SAMTOR: variants seen among roughly 807,000 people sequenced by gnomAD.
SAMTOR encodes the protein UPF0532 protein C7orf60.
the SAMTOR span, among the ~76,000 whole-genome samples, chr7:112,876,388 T>G: frequency 6.6e-6 from 1 of 152,156 alleles, no homozygotes; most frequent in African/African-American, 2.4e-5. Context: ...CAAATTCAAT[T>G]TATCCCAAAC....
At chr7:112,900,251 A>G in the SAMTOR span, among the ~76,000 whole-genome samples, 4 of 152,306 alleles carry the variant, frequency 2.6e-5, no homozygotes, top group South Asian at 6.2e-4. Context: ...CTCCAATCCA[A>G]GTCCAAAGGC....
the SAMTOR span, among the ~76,000 whole-genome samples, chr7:112,860,072 T>A: frequency 6.6e-6 from 1 of 152,190 alleles, no homozygotes; most frequent in East Asian, 1.9e-4. Context: ...TTTATAATCA[T>A]ATTTCTATGG....
the SAMTOR span, among the ~76,000 whole-genome samples, chr7:112,862,671 G>C: frequency 6.6e-6 from 1 of 152,188 alleles, no homozygotes; most frequent in Admixed American, 6.5e-5. Context: ...GCTCATGCCT[G>C]TAATCTCAGC....
chr7:112,906,744 G>A, the SAMTOR span, among the ~76,000 whole-genome samples: 18 of 151,836 alleles, frequency 1.2e-4, no homozygotes, highest in Admixed American at 8.5e-4. Flanking sequence ...GCTAATTTTT[G>A]TATTTTTAGT....
the SAMTOR span, among the ~76,000 whole-genome samples, chr7:112,865,560 G>A: frequency 6.7e-6 from 1 of 150,124 alleles, no homozygotes; most frequent in Admixed American, 6.7e-5. Flanking sequence ...GCAGGCGTGA[G>A]CCTCCATGCC....
At chr7:112,820,599 T>C in the SAMTOR span, 1 of 152,204 alleles carries the variant, frequency 6.6e-6, no homozygotes, top group Admixed American at 6.6e-5. Context: ...TGGACATATA[T>C]TTTTCCCTAA....
the SAMTOR span, among the ~76,000 whole-genome samples, chr7:112,906,430 C>G: frequency 2.6e-5 from 4 of 152,074 alleles, no homozygotes; most frequent in African/African-American, 9.7e-5. Context: ...ACATTTACAA[C>G]AGCAATAAAA....
chr7:112,849,510 C>T, the SAMTOR span, among the ~76,000 whole-genome samples: 14 of 152,164 alleles, frequency 9.2e-5, no homozygotes, highest in African/African-American at 3.4e-4. Context: ...TTTTAGAGGA[C>T]TCTTTAGGGT....
chr7:112,828,851 T>A, the SAMTOR span, among the ~76,000 whole-genome samples: 1 of 152,202 alleles, frequency 6.6e-6, no homozygotes, highest in Non-Finnish European at 1.5e-5. Context: ...TCTTCATTTT[T>A]GAAAGACATT....
At chr7:112,934,882 T>C in the SAMTOR span, among the ~76,000 whole-genome samples, 1,628 of 152,330 alleles carry the variant, frequency 0.011, 30 homozygotes, top group African/African-American at 0.037. Context: ...AGAACACTAA[T>C]AATAACAAAA....
At chr7:112,850,454 G>T in the SAMTOR span, among the ~76,000 whole-genome samples, 1 of 152,160 alleles carries the variant, frequency 6.6e-6, no homozygotes, top group South Asian at 2.1e-4. Flanking sequence ...CTCAATTTTT[G>T]GGAACAGTAT....
chr7:112,866,919 C>T, the SAMTOR span, among the ~76,000 whole-genome samples: 9 of 152,190 alleles, frequency 5.9e-5, no homozygotes, highest in Admixed American at 5.9e-4. Context: ...TACTGCTATA[C>T]TTTCTCAAAA....
the SAMTOR span, chr7:112,832,528 A>C: frequency 1.7e-6 from 2 of 1,198,544 alleles, no homozygotes; most frequent in Non-Finnish European, 2.5e-6. Context: ...ATACATGTAA[A>C]ATATTAAAGT....
the SAMTOR span, among the ~76,000 whole-genome samples, chr7:112,868,814 C>T: frequency 6.6e-6 from 1 of 152,172 alleles, no homozygotes; most frequent in Non-Finnish European, 1.5e-5. Flanking sequence ...TAGGCTGTCT[C>T]CTGTTGCAAG....
the SAMTOR span, among the ~76,000 whole-genome samples, chr7:112,912,897 A>T: frequency 1.3e-5 from 2 of 152,298 alleles, no homozygotes; most frequent in East Asian, 3.9e-4. Context: ...TTGCTCCAAT[A>T]AGAATACTAC....
At chr7:112,922,962 C>G in the SAMTOR span, among the ~76,000 whole-genome samples, 1 of 152,040 alleles carries the variant, frequency 6.6e-6, no homozygotes, top group Admixed American at 6.5e-5. Flanking sequence ...CGGCCACCAC[C>G]CCATCTGGGA....
At chr7:112,935,112 T>TG in the SAMTOR span, 1 of 331,976 alleles carries the variant, frequency 3.0e-6, no homozygotes, top group South Asian at 2.4e-5. Context: ...GCAAATATTC[T>TG]ATCACAAAAA....
the SAMTOR span, among the ~76,000 whole-genome samples, chr7:112,854,428 GA>G: frequency 6.6e-6 from 1 of 152,154 alleles, no homozygotes; most frequent in East Asian, 1.9e-4. Flanking sequence ...CAAAGTAGAT[GA>G]AAAAAATTCT....
chr7:112,905,832 A>G, the SAMTOR span, among the ~76,000 whole-genome samples: 9 of 152,266 alleles, frequency 5.9e-5, no homozygotes, highest in African/African-American at 2.2e-4. Flanking sequence ...CTTAATGAAA[A>G]TACACCACAT....
Sources: allele counts gnomAD v4.1 joint callset (sites outside exome capture counted in the v4.1 genomes callset), GRCh38; gene constraint gnomAD v4.1.1; transcripts MANE v1.5; gene names NCBI Gene and HGNC (gene_info 2026-07-23, HGNC 2026-07-21).